Variants in SMAD2 observed in about 807,000 individuals in gnomAD.
The protein encoded by SMAD2 is SMAD family member 2, also known as MAD homolog 2.
A neutral mutation model predicts 64.4 loss-of-function variants in SMAD2; 8 were observed. That is an observed-to-expected ratio of 0.12 (90% confidence interval 0.07 to 0.22). SMAD2 has a LOEUF of 0.22. Ranked by LOEUF, SMAD2 falls within the 10% of genes least tolerant of loss-of-function variation. The pLI, the probability that SMAD2 is intolerant of heterozygous loss-of-function variation, is 1.00. For synonymous variants in SMAD2, 203 were observed against 195.8 expected (o/e 1.04, Z -0.31); for missense variants, 289 against 561.2 (o/e 0.51, Z 4.90).
rs1467517693 is a variant in SMAD2 at position 47,853,752 on chromosome 18, GGCAA to G, written c.731-2429_731-2426del. Among the ~76,000 whole-genome samples, 9 of 28,678 alleles carry G rather than the reference GGCAA, an allele frequency of 3.1e-4. No individual in the cohort carries two copies. The Admixed American group carries it at 4.3e-3, about 14-fold the overall frequency. The allele number at this position is 28,678 out of a possible 152,430, so 18.8% of individuals were successfully genotyped here. ...TTTTTCTCAGTTTGAAAAATCTGCTGGCAAGTCACAAATCTGCTGGCAAGTCACA... is the reference window on the plus strand; with the variant it reads ...TTTTTCTCAGTTTGAAAAATCTGCTGGTCACAAATCTGCTGGCAAGTCACA... On this transcript the variant is annotated intron_variant, in intron 6 of 10. Transcript: ENST00000262160.
chr18:47,882,613 T>G (rs1354337738), intron 2 of SMAD2, among the ~76,000 whole-genome samples: 1 of 152,252 alleles, frequency 6.6e-6, no homozygotes, highest in Non-Finnish European at 1.5e-5. Context: ...TTCTTTTAGT[T>G]GCATCTTTGT....
Position 47,837,630 on chromosome 18 carries a change from T to C in SMAD2, c.*4197A>G. 4.4e-6 allele frequency: 1 copy of C among 225,388 alleles called. No individual in the cohort carries two copies. Among genetic ancestry groups the C allele is most frequent in the Non-Finnish European group, 8.7e-6 (1 of 115,172 alleles). 14.0% of individuals were successfully genotyped at this position (225,388 alleles called of 1,614,324 possible). On this transcript the variant is annotated 3_prime_UTR_variant, in exon 11 of 11. Transcript: ENST00000262160. ...GGATAACCAGCAAGTACCACCTGGA[T>C]GTGTGTTGTCAGGTAGAAAGGAAGA... is the stretch of plus-strand genomic sequence containing the variant.
chr18:47,924,924 C>T (rs927133926), intron 1 of SMAD2, among the ~76,000 whole-genome samples: 1 of 152,214 alleles, frequency 6.6e-6, no homozygotes, highest in Non-Finnish European at 1.5e-5. Context: ...TATAAGATCA[C>T]AGATTCACTA....
rs1912941789 is a variant in SMAD2 at position 47,830,459 on chromosome 18, C to T, written c.*11368G>A. ...GGGCGTGGTGGTGTGTGCCTGTAAT[C>T]CCAGCTACTCAGGAGGCTAAGGCAG... is the stretch of plus-strand genomic sequence containing the variant. On this transcript the variant is annotated 3_prime_UTR_variant, in exon 11 of 11. Coordinates refer to ENST00000262160, the MANE Select transcript of SMAD2 (RefSeq NM_005901.6). 1.3e-5 allele frequency: 2 copies of T among 151,758 alleles called. No homozygotes were observed. Among genetic ancestry groups the T allele is most frequent in the South Asian group, 4.2e-4 (2 of 4,806 alleles). 9.4% of individuals were successfully genotyped at this position (151,758 alleles called of 1,614,324 possible).
Position 47,824,182 on chromosome 18 carries a change from AAG to A in SMAD2, c.*17643_*17644del, listed in dbSNP as rs1355680223. ...ATACTTTCGGAAAAACATCTTCATCAAGAGAGGGAAAGGTGAAAGCTGTCAGA... is the reference window on the plus strand; with the variant it reads ...ATACTTTCGGAAAAACATCTTCATCAAGAGGGAAAGGTGAAAGCTGTCAGA... On this transcript the variant is annotated 3_prime_UTR_variant, in exon 11 of 11. Transcript: ENST00000262160. 6.6e-6 allele frequency: 1 copy of A among 152,208 alleles called. No individual in the cohort carries two copies. The highest frequency in any genetic ancestry group is 2.4e-5 in the African/African-American group (1 of 41,442). 9.4% of individuals were successfully genotyped at this position (152,208 alleles called of 1,614,324 possible). A position where few individuals can be genotyped will look rare whatever the true frequency, so the allele number is the denominator to read the frequency against.
chr18:47,897,631 A>C (rs2033499382), intron 1 of SMAD2, among the ~76,000 whole-genome samples: 1 of 152,070 alleles, frequency 6.6e-6, no homozygotes, highest in Admixed American at 6.6e-5. Flanking sequence ...TCTTGAAATT[A>C]TTTTTTTATT....
intron 1 of SMAD2, among the ~76,000 whole-genome samples, chr18:47,899,227 TA>T (rs1206240438): frequency 6.6e-6 from 1 of 152,062 alleles, no homozygotes; most frequent in Non-Finnish European, 1.5e-5. Flanking sequence ...TTGGGGAACA[TA>T]AGTGTTGTGT....
At position 47,821,991 on chromosome 18, in the gene SMAD2, A is replaced by G. The variant is rs1912590322; in HGVS notation, c.*19836T>C. On this transcript the variant is annotated 3_prime_UTR_variant, in exon 11 of 11. Coordinates refer to ENST00000262160, the MANE Select transcript of SMAD2 (RefSeq NM_005901.6). ...TTGAGTTTTCCACTTGGGCCTCTGG[A>G]AAGCCTCAGAGCATGTGTATGCCAT... is the stretch of plus-strand genomic sequence containing the variant. 6.6e-6 allele frequency: 1 copy of G among 152,200 alleles called. No individual in the cohort carries two copies. 9.4% of individuals were successfully genotyped at this position (152,200 alleles called of 1,614,324 possible). A position where few individuals can be genotyped will look rare whatever the true frequency, so the allele number is the denominator to read the frequency against.
At chr18:47,914,923 TCCGA>T (rs1222926220) in intron 1 of SMAD2, among the ~76,000 whole-genome samples, 2 of 152,172 alleles carry the variant, frequency 1.3e-5, no homozygotes, top group East Asian at 3.8e-4. Flanking sequence ...TATCAAGTAC[TCCGA>T]CTATGCAAAT....
intron 6 of SMAD2, among the ~76,000 whole-genome samples, 185 bp downstream of exon 6, chr18:47,864,874 T>C (rs1598795553): frequency 1.3e-5 from 2 of 152,326 alleles, no homozygotes; most frequent in South Asian, 2.1e-4. Context: ...GCATACGTTA[T>C]AATTTTTCAG....
Position 47,816,421 on chromosome 18 carries a change from CTTA to C in SMAD2, c.*25403_*25405del, listed in dbSNP as rs1330171183. ...TAGTCTGGTATAACTGCCTGAACAA[CTTA>C]TTAAGAACATTAACAAGTAATAACA... On this transcript the variant is annotated 3_prime_UTR_variant, in exon 11 of 11. Coordinates refer to ENST00000262160, the MANE Select transcript of SMAD2 (RefSeq NM_005901.6). 6.6e-6 allele frequency: 1 copy of C among 152,130 alleles called. No homozygotes were observed. The highest frequency in any genetic ancestry group is 2.4e-5 in the African/African-American group (1 of 41,422). 9.4% of individuals were successfully genotyped at this position (152,130 alleles called of 1,614,324 possible). A position where few individuals can be genotyped will look rare whatever the true frequency, so the allele number is the denominator to read the frequency against.
rs1007669739 is a variant in SMAD2 at position 47,816,178 on chromosome 18, G to A, written c.*25649C>T. On this transcript the variant is annotated 3_prime_UTR_variant, in exon 11 of 11. Coordinates refer to ENST00000262160, the MANE Select transcript of SMAD2 (RefSeq NM_005901.6). ...TTTAGTCAAGACAACAATAACAAAA[G>A]GCTTTCTTCAGGGAGGGCAGTGGAA... is the stretch of plus-strand genomic sequence containing the variant. 1 of 152,092 alleles carries A rather than the reference G, an allele frequency of 6.6e-6. No individual in the cohort carries two copies. The highest frequency in any genetic ancestry group is 2.4e-5 in the African/African-American group (1 of 41,422). The allele number at this position is 152,092 out of a possible 1,614,324, so 9.4% of individuals were successfully genotyped here.
intron 6 of SMAD2, among the ~76,000 whole-genome samples, chr18:47,856,018 T>C (rs1160160657): frequency 1.3e-5 from 2 of 152,030 alleles, no homozygotes; most frequent in African/African-American, 2.4e-5. Flanking sequence ...TACACACAAT[T>C]GAATGTTATC....
At chr18:47,880,530 G>C (rs2032525330) in intron 2 of SMAD2, among the ~76,000 whole-genome samples, 1 of 152,196 alleles carries the variant, frequency 6.6e-6, no homozygotes, top group Non-Finnish European at 1.5e-5. Flanking sequence ...GGTGAGTCTT[G>C]AAGTCAGGGT....
At chr18:47,928,032 AAACT>A (rs1234040016) in intron 1 of SMAD2, among the ~76,000 whole-genome samples, 2 of 152,192 alleles carry the variant, frequency 1.3e-5, no homozygotes, top group African/African-American at 4.8e-5. Context: ...CCTCTCACAG[AAACT>A]AAGGGCCTAA....
At chr18:47,850,002 G>A (rs2144305802) in intron 7 of SMAD2, among the ~76,000 whole-genome samples, 1 of 150,564 alleles carries the variant, frequency 6.6e-6, no homozygotes, top group South Asian at 2.1e-4. Flanking sequence ...GCAAGACTCT[G>A]TCTCAAAAAA....
rs954813423 is a variant in SMAD2, at chr18:47,817,735, T to G, written c.*24092A>C. The G allele has an allele frequency of 3.3e-5, 5 of 152,264 alleles. No individual in the cohort carries two copies. Among genetic ancestry groups the G allele is most frequent in the Non-Finnish European group, 5.9e-5 (4 of 68,048 alleles). The allele number at this position is 152,264 out of a possible 1,614,324, so 9.4% of individuals were successfully genotyped here. On this transcript the variant is annotated 3_prime_UTR_variant, in exon 11 of 11. Transcript: ENST00000262160. ...TGATTTTGGTTTCGTTTCGATATGG[T>G]TACATGCATCTGTAAATGATTTGGC...
intron 6 of SMAD2, among the ~76,000 whole-genome samples, chr18:47,859,559 A>C (rs933679622): frequency 2.0e-5 from 3 of 152,226 alleles, no homozygotes; most frequent in African/African-American, 7.2e-5. Context: ...AAACTTCTAA[A>C]TAACTCATGA....
At chr18:47,857,650 CAG>C (rs953136681) in intron 6 of SMAD2, among the ~76,000 whole-genome samples, 1 of 152,160 alleles carries the variant, frequency 6.6e-6, no homozygotes, top group African/African-American at 2.4e-5. Flanking sequence ...CCCCAGTTAA[CAG>C]AGAGTGGTAA....
Sources: gnomAD v4.1 joint callset for allele counts (sites outside exome capture counted in the v4.1 genomes callset) on GRCh38, gnomAD v4.1.1 for gene constraint, MANE v1.5 for transcripts, NCBI Gene and HGNC (gene_info 2026-07-23, HGNC 2026-07-21) for gene names.